Variants in ZNF438 observed in about 807,000 individuals in gnomAD.
ZNF438 encodes zinc finger protein 438.
Under a neutral mutation model 38.0 loss-of-function variants are expected in ZNF438, and 25 were observed. That is an observed-to-expected ratio of 0.66 (90% CI 0.48 to 0.92). The LOEUF (loss-of-function observed/expected upper bound fraction) is 0.92. Among genes scored for constraint, ZNF438 ranks in the 40% least tolerant of loss-of-function variants. The probability of loss-of-function intolerance (pLI) is 0.00; values close to 1 mark genes in which losing one functional copy is unlikely to be tolerated. For missense variants in ZNF438, 1,007 were observed against 999.6 expected (o/e 1.01, Z -0.10); for synonymous variants, 372 against 364.1 (o/e 1.02, Z -0.25).
chr10:30,969,178 G>A (rs1159762907), intron 1 of ZNF438, among the ~76,000 whole-genome samples: 1 of 151,918 alleles, frequency 6.6e-6, no homozygotes, highest in South Asian at 2.1e-4. Flanking sequence ...TGGAGATGAC[G>A]ATGAAAATGA....
At chr10:30,904,391 C>T (rs903716035) in intron 3 of ZNF438, among the ~76,000 whole-genome samples, 1 of 152,124 alleles carries the variant, frequency 6.6e-6, no homozygotes, top group Non-Finnish European at 1.5e-5. Flanking sequence ...TCAATTTTAT[C>T]TTGCAAAAAG....
chr10:30,954,598 G>A (rs2048657413), intron 1 of ZNF438, among the ~76,000 whole-genome samples: 1 of 152,058 alleles, frequency 6.6e-6, no homozygotes, highest in Non-Finnish European at 1.5e-5. Context: ...TGTGCACTTT[G>A]GACTCTTAAA....
intron 1 of ZNF438, among the ~76,000 whole-genome samples, chr10:30,985,729 A>G (rs1293894486): frequency 5.9e-5 from 9 of 152,200 alleles, no homozygotes; most frequent in Admixed American, 5.2e-4. Flanking sequence ...GTCACCATGA[A>G]CACTGAATTA....
At chr10:30,930,773 C>G (rs1200220776) in intron 2 of ZNF438, among the ~76,000 whole-genome samples, 2 of 121,726 alleles carry the variant, frequency 1.6e-5, no homozygotes, top group African/African-American at 6.5e-5. Context: ...TGCCACTGCA[C>G]TCCAGCCTGG....
At chr10:30,958,473 T>C (rs189647457) in intron 1 of ZNF438, among the ~76,000 whole-genome samples, 1 of 147,198 alleles carries the variant, frequency 6.8e-6, no homozygotes, top group East Asian at 1.9e-4. Flanking sequence ...AAGCAAAATA[T>C]AGGAGCTTTT....
intron 1 of ZNF438, among the ~76,000 whole-genome samples, chr10:30,994,866 A>G (rs1395231733): frequency 6.6e-6 from 1 of 151,986 alleles, no homozygotes; most frequent in Non-Finnish European, 1.5e-5. Context: ...CCCTGTCTCT[A>G]TAAAAAATAT....
chr10:30,849,366 G>A (rs770344344), exon 5 of ZNF438: 2 of 1,614,096 alleles, frequency 1.2e-6, no homozygotes, highest in East Asian at 2.2e-5. Flanking sequence ...TGTGGAACAG[G>A]TAGCCTGCTT....
intron 1 of ZNF438, among the ~76,000 whole-genome samples, chr10:30,992,294 A>T (rs2053581468): frequency 6.6e-6 from 1 of 152,220 alleles, no homozygotes. Context: ...GAACTGGGTA[A>T]CGGGTAGAAG....
intron 4 of ZNF438, chr10:30,875,310 T>C: frequency 1.0e-6 from 1 of 985,342 alleles, no homozygotes; most frequent in Non-Finnish European, 1.2e-6. Flanking sequence ...GCTTGTTGCT[T>C]AGTTACTCAC....
chr10:30,874,858 T>A (rs1009544264), intron 4 of ZNF438, among the ~76,000 whole-genome samples: 2 of 151,554 alleles, frequency 1.3e-5, no homozygotes, highest in African/African-American at 4.8e-5. Flanking sequence ...ATATTCTTTA[T>A]AAATTTTATG....
intron 4 of ZNF438, among the ~76,000 whole-genome samples, chr10:30,863,975 T>C (rs888337563): frequency 6.6e-6 from 1 of 152,188 alleles, no homozygotes; most frequent in African/African-American, 2.4e-5. Context: ...TAAGAGACTC[T>C]TGGCGGCCCA....
intron 1 of ZNF438, among the ~76,000 whole-genome samples, chr10:31,000,198 A>G (rs896016743): frequency 1.3e-4 from 20 of 152,232 alleles, no homozygotes; most frequent in African/African-American, 4.3e-4. Flanking sequence ...CCCCTGCCCA[A>G]GCTTTCTTTT....
intron 2 of ZNF438, among the ~76,000 whole-genome samples, chr10:30,936,192 G>A (rs1023766698): frequency 6.6e-5 from 10 of 152,092 alleles, no homozygotes; most frequent in African/African-American, 1.2e-4. Flanking sequence ...TCTAAAGCCC[G>A]ATTTGCTCAT....
intron 1 of ZNF438, among the ~76,000 whole-genome samples, chr10:30,967,643 T>C (rs1020729520): frequency 6.6e-6 from 1 of 152,222 alleles, no homozygotes; most frequent in East Asian, 1.9e-4. Flanking sequence ...AATATGTTAC[T>C]GCTCTGGTGT....
chr10:30,985,276 A>G (rs1392106238), intron 1 of ZNF438, among the ~76,000 whole-genome samples: 1 of 152,226 alleles, frequency 6.6e-6, no homozygotes, highest in East Asian at 1.9e-4. Flanking sequence ...GCTCATGGCT[A>G]GCTTAAAGAC....
intron 2 of ZNF438, among the ~76,000 whole-genome samples, chr10:30,917,643 C>CTA (rs2043805998): frequency 6.6e-6 from 1 of 152,078 alleles, no homozygotes; most frequent in Non-Finnish European, 1.5e-5. Flanking sequence ...CATTTGTTCC[C>CTA]TATTCCTTTT....
At chr10:30,910,196 T>C (rs148180100) in intron 2 of ZNF438, among the ~76,000 whole-genome samples, 1 of 152,176 alleles carries the variant, frequency 6.6e-6, no homozygotes, top group East Asian at 1.9e-4. Flanking sequence ...AAGATTCACC[T>C]GAGACTATAG....
At position 30,960,691 on chromosome 10, in the gene ZNF438, T is replaced by C. The variant is rs758847051; in HGVS notation, c.-191-19040A>G. ...GATTGAGTTTTGAAATGGGGATGTA[T>C]AAATCCTCCAATTTTGTTCTTTTAC... On this transcript the variant is annotated intron_variant, in intron 1 of 5. Transcript: ENST00000413025. Among the ~76,000 whole-genome samples, 4 of 146,950 alleles carry C rather than the reference T, an allele frequency of 2.7e-5. 2 individuals carry two copies. Among genetic ancestry groups the C allele is most frequent in the Non-Finnish European group, 6.2e-5 (4 of 64,842 alleles).
chr10:30,935,539 C>T (rs1038406456), intron 2 of ZNF438, among the ~76,000 whole-genome samples: 5 of 152,142 alleles, frequency 3.3e-5, no homozygotes, highest in Middle Eastern at 3.2e-3. Context: ...GAGGGATCTG[C>T]GCCCATGACT....
Sources: allele counts gnomAD v4.1 joint callset (sites outside exome capture counted in the v4.1 genomes callset), GRCh38; gene constraint gnomAD v4.1.1; transcripts MANE v1.5; gene names NCBI Gene and HGNC (gene_info 2026-07-23, HGNC 2026-07-21).